Variants in LAMB1 observed in about 807,000 individuals in gnomAD.
LAMB1 encodes laminin subunit beta-1.
LAMB1 carries 121 observed loss-of-function variants against 222.3 expected under a neutral mutation model. That is an observed-to-expected ratio of 0.54 (90% CI 0.47 to 0.63). The LOEUF is 0.63. LAMB1 is among the 30% of genes least tolerant of loss of function. The probability of loss-of-function intolerance (pLI) is 0.00; values close to 1 mark genes in which losing one functional copy is unlikely to be tolerated. For synonymous variants in LAMB1, 794 were observed against 807.2 expected (o/e 0.98, Z 0.28); for missense variants, 2,172 against 2,240.8 (o/e 0.97, Z 0.62).
chr7:107,959,786 T>A lies in LAMB1; in HGVS notation c.2363A>T (p.Asn788Ile). The A allele has an allele frequency of 6.2e-7, 1 of 1,614,082 alleles. No homozygotes were observed. Among genetic ancestry groups the A allele is most frequent in the East Asian group, 2.2e-5 (1 of 44,888 alleles). Residue 788 changes from asparagine (N) to isoleucine (I), a missense_variant, in exon 19 of 34, where the codon AAC (asparagine) becomes ATC (isoleucine). By Grantham distance (149) the Asn-to-Ile change is moderately radical. Transcript: ENST00000222399. ...GGGCCGGCACTGGCACTGGCCTCCG[T>A]TGGGATCACACACGGAACTTAACGA... ...QGSLSSVCDP[N>I]GGQCQCRPNV...
At position 107,974,966 on chromosome 7, in the gene LAMB1, CG is replaced by C; in HGVS notation, c.1482+19del. The C allele has an allele frequency of 7.3e-7, 1 of 1,368,070 alleles. No homozygotes were observed. Among genetic ancestry groups the C allele is most frequent in the Non-Finnish European group, 1.0e-6 (1 of 959,330 alleles). 84.7% of individuals were successfully genotyped at this position (1,368,070 alleles called of 1,614,324 possible). ...TCATCCTCACCAACCACCCATCCCA[CG>C]TAATGAGGATTTACTTACCAGGCAC... On this transcript the variant is annotated intron_variant, in intron 12 of 33. Coordinates refer to ENST00000222399, the MANE Select transcript of LAMB1 (RefSeq NM_002291.3).
chr7:107,953,699 C>T lies in LAMB1; in HGVS notation c.2910G>A (p.Gly970=), dbSNP rs1200228814. The T allele has an allele frequency of 6.2e-7, 1 of 1,614,132 alleles. No individual in the cohort carries two copies. The highest frequency in any genetic ancestry group is 1.1e-5 in the South Asian group (1 of 91,080). Residue 970 remains glycine (G), a synonymous_variant, in exon 22 of 34, where the codon GGG becomes GGA. Coordinates refer to ENST00000222399, the MANE Select transcript of LAMB1 (RefSeq NM_002291.3). ...GACACTGGCAAGGCTGACACGACCC[C>T]CCAACTTCTGATGGATTGCCAAAGT... ...SGYFGNPSEV[G]GSCQPCQCHN...
chr7:107,979,992 G>A (rs1037284463), intron 8 of LAMB1, among the ~76,000 whole-genome samples: 6 of 152,030 alleles, frequency 3.9e-5, no homozygotes, highest in Non-Finnish European at 1.5e-5. Flanking sequence ...TGGATCACTT[G>A]AGGTCAGGAG....
chr7:107,969,244 C>T (rs1452546337), intron 13 of LAMB1, among the ~76,000 whole-genome samples: 1 of 148,960 alleles, frequency 6.7e-6, no homozygotes, highest in Non-Finnish European at 1.5e-5. Context: ...GCCAAGATCG[C>T]GCCACTGCAC....
rs770888077 is a variant in LAMB1, at chr7:107,935,662, G to T, written c.3947-6C>A. The T allele has an allele frequency of 4.3e-6, 7 of 1,613,108 alleles. No individual in the cohort carries two copies. In the South Asian group the frequency reaches 6.6e-5, roughly 15 times the overall value. The stretch of plus-strand genomic sequence containing the variant: ...GGTAATGCTATCCAAGGCACCTAGG[G>T]TAGGAAATGAAATTGCCCACAGTTA... On this transcript the variant is annotated splice_region_variant and splice_polypyrimidine_tract_variant and intron_variant, in intron 26 of 33. Coordinates refer to ENST00000222399, the MANE Select transcript of LAMB1 (RefSeq NM_002291.3).
intron 7 of LAMB1, among the ~76,000 whole-genome samples, chr7:107,984,288 A>T (rs988334732): frequency 2.0e-5 from 3 of 152,104 alleles, no homozygotes; most frequent in Non-Finnish European, 4.4e-5. Context: ...TTGCTCTGTC[A>T]CCCAGGCTGG....
Position 107,975,320 on chromosome 7 carries a change from C to T in LAMB1, c.1283G>A (p.Cys428Tyr), listed in dbSNP as rs1417936443. The T allele has an allele frequency of 6.2e-7, 1 of 1,613,926 alleles. No homozygotes were observed. The highest frequency in any genetic ancestry group is 8.5e-7 in the Non-Finnish European group (1 of 1,179,926). Residue 428 changes from cysteine (C) to tyrosine (Y), a missense_variant, in exon 11 of 34, where the codon TGT becomes TAT. Cys to Tyr is a radical substitution (Grantham distance 194). Transcript: ENST00000222399. The stretch of plus-strand genomic sequence containing the variant: ...ATGTTCTCCTTCCACATTTAATTTA[C>T]ACCGACACTGGCCAGCAATGAGACC... ...STGLIAGQCR[C>Y]KLNVEGEHCD...
intron 28 of LAMB1, among the ~76,000 whole-genome samples, chr7:107,931,953 A>G (rs2032721010): frequency 6.6e-6 from 1 of 152,236 alleles, no homozygotes; most frequent in Admixed American, 6.5e-5. Context: ...ATCTTGCTCT[A>G]AAGCATGTGT....
At chr7:107,943,040 A>G (rs1276420962) in intron 24 of LAMB1, among the ~76,000 whole-genome samples, 1 of 152,180 alleles carries the variant, frequency 6.6e-6, no homozygotes, top group Admixed American at 6.5e-5. Context: ...TACTTAAAGT[A>G]TGTTTCATTT....
intron 20 of LAMB1, among the ~76,000 whole-genome samples, chr7:107,956,600 C>A (rs2033382753): frequency 6.6e-6 from 1 of 152,212 alleles, no homozygotes; most frequent in South Asian, 2.1e-4. Flanking sequence ...CCTTGTATTA[C>A]AGAGTCTGTC....
chr7:107,948,236 C>T (rs1490746980), intron 24 of LAMB1, among the ~76,000 whole-genome samples: 3 of 152,188 alleles, frequency 2.0e-5, no homozygotes, highest in African/African-American at 7.2e-5. Context: ...ATCCGCCCGC[C>T]TTGGCCTCCC....
At chr7:107,979,246 G>A (rs1390825298) in intron 8 of LAMB1, among the ~76,000 whole-genome samples, 1 of 152,176 alleles carries the variant, frequency 6.6e-6, no homozygotes, top group Non-Finnish European at 1.5e-5. Context: ...TCCCCTTCAG[G>A]CTCCGTCAAA....
At position 107,940,224 on chromosome 7, in the gene LAMB1, A is replaced by G; in HGVS notation, c.3526T>C (p.Cys1176Arg). Residue 1176 changes from cysteine to arginine, a missense_variant, in exon 25 of 34, where the codon TGC becomes CGC. Coordinates refer to ENST00000222399, the MANE Select transcript of LAMB1 (RefSeq NM_002291.3). ...GCAAAGCACTGGTGGCAGGGTGTGC[A>G]GTCAGGGAAGACCCCCGAGTACCCT... Reference protein sequence around the residue: ...TRGYSGVFPDCTPCHQCFALW... With the variant: ...TRGYSGVFPDRTPCHQCFALW... The G allele has an allele frequency of 6.2e-7, 1 of 1,614,204 alleles. No homozygotes were observed. Among genetic ancestry groups the G allele is most frequent in the Non-Finnish European group, 8.5e-7 (1 of 1,180,040 alleles).
In LAMB1 at chr7:108,003,145, C is replaced by A. The variant is rs540459963; in HGVS notation, c.-121G>T. On this transcript the variant is annotated 5_prime_UTR_variant, in exon 1 of 34. Transcript: ENST00000222399. ...CGAGCTCTCGCCCTGCTCCGGGAGCCCCCGAGCCCAAAGAAGGGAATTAGA... is the reference window on the plus strand; with the variant it reads ...CGAGCTCTCGCCCTGCTCCGGGAGCACCCGAGCCCAAAGAAGGGAATTAGA... The A allele has an allele frequency of 1.9e-5, 12 of 639,396 alleles. No individual in the cohort carries two copies. The East Asian group carries it at 3.5e-4, about 19-fold the overall frequency. 39.6% of individuals were successfully genotyped at this position (639,396 alleles called of 1,614,324 possible).
chr7:107,986,211 A>C lies in LAMB1; in HGVS notation c.576T>G (p.Ser192=). 1 of 1,614,220 alleles carries C rather than the reference A, an allele frequency of 6.2e-7. No homozygotes were observed. ...MKKVDDIICD[S]RYSDIEPSTE... ...TTGAGGGTTCAATGTCAGAATATCG[A>C]GAATCACAAATTATGTCATCGACTT... is the stretch of plus-strand genomic sequence containing the variant. Residue 192 remains serine, a synonymous_variant, in exon 6 of 34, where the codon TCT becomes TCG. Coordinates refer to ENST00000222399, the MANE Select transcript of LAMB1 (RefSeq NM_002291.3).
intron 29 of LAMB1, chr7:107,929,867 CCT>C: frequency 1.9e-6 from 1 of 533,976 alleles, no homozygotes. Flanking sequence ...GTGAGGGAAA[CCT>C]TCGTGGAAGA....
Position 107,960,469 on chromosome 7 carries a change from C to A in LAMB1, c.2290G>T (p.Ala764Ser). 1.2e-6 allele frequency: 2 copies of A among 1,614,128 alleles called. No individual in the cohort carries two copies. Among genetic ancestry groups the A allele is most frequent in the Non-Finnish European group, 1.7e-6 (2 of 1,180,002 alleles). ...VCRNIIFSIS[A>S]LLHQTGLACE... The stretch of plus-strand genomic sequence containing the variant: ...CCCAGGCCTGTCTGGTGTAACAGGG[C>A]AGAAATGCTAAAGATGATGTTTCTG... The change falls in exon 18 of 34, where the codon GCC (alanine) becomes TCC (serine). Residue 764 changes from alanine to serine, a missense_variant. Coordinates refer to ENST00000222399, the MANE Select transcript of LAMB1 (RefSeq NM_002291.3).
chr7:107,994,858 C>T (rs765073411), intron 5 of LAMB1, 29 bp downstream of exon 5: 1 of 1,324,168 alleles, frequency 7.6e-7, no homozygotes, highest in Non-Finnish European at 1.1e-6. Context: ...TCTCATGTGT[C>T]ATTTGTGAGA....
At position 107,961,262 on chromosome 7, in the gene LAMB1, G is replaced by A. The variant is rs867678718; in HGVS notation, c.2053C>T (p.Pro685Ser). 1.2e-6 allele frequency: 2 copies of A among 1,614,090 alleles called. No homozygotes were observed. Among genetic ancestry groups the A allele is most frequent in the Non-Finnish European group, 1.7e-6 (2 of 1,180,000 alleles). ...GTNYTVRLEL[P>S]QYTSSDSDVE... is the part of the protein sequence containing the mutation. ...TCGCTATCAGAGGAGGTGTACTGAG[G>A]CAGCTCCAACCTCACCGTGTAGTTT... Residue 685 changes from proline to serine, a missense_variant, in exon 17 of 34, where the codon CCT becomes TCT. Coordinates refer to ENST00000222399, the MANE Select transcript of LAMB1 (RefSeq NM_002291.3).
Sources: gnomAD v4.1 joint callset for allele counts (sites outside exome capture counted in the v4.1 genomes callset) on GRCh38, gnomAD v4.1.1 for gene constraint, MANE v1.5 for transcripts, NCBI Gene and HGNC (gene_info 2026-07-23, HGNC 2026-07-21) for gene names.